Variants in KCNH1 observed in about 807,000 individuals in gnomAD.
KCNH1 encodes potassium voltage-gated channel subfamily H member 1.
In KCNH1, 27 loss-of-function variants were observed where a neutral mutation model predicts 69.2. The observed-to-expected ratio is 0.39, with a 90% CI of 0.29 to 0.54. KCNH1 has a LOEUF of 0.54. Among genes scored for constraint, KCNH1 ranks in the 20% least tolerant of loss-of-function variants. The pLI is 0.68. For synonymous variants in KCNH1, 456 were observed against 487.7 expected (o/e 0.93, Z 0.86); for missense variants, 798 against 1,261.6 (o/e 0.63, Z 5.57).
chr1:210,682,666 A>G lies in KCNH1; in HGVS notation c.*615T>C, dbSNP rs1361136848. Reference sequence around the variant, plus strand: ...TGAGGATTCCCAGCTTCAAGTGTCTATGGGAGGCATGCACCACACCTGCAG... The same window carrying G: ...TGAGGATTCCCAGCTTCAAGTGTCTGTGGGAGGCATGCACCACACCTGCAG... On this transcript the variant is annotated 3_prime_UTR_variant, in exon 11 of 11. Coordinates refer to ENST00000271751, the MANE Select transcript of KCNH1 (RefSeq NM_172362.3). 2 of 152,618 alleles carry G rather than the reference A, an allele frequency of 1.3e-5. No homozygotes were observed. The highest frequency in any genetic ancestry group is 2.4e-5 in the African/African-American group (1 of 41,452). The allele number at this position is 152,618 out of a possible 1,614,324, so 9.5% of individuals were successfully genotyped here. A position where few individuals can be genotyped will look rare whatever the true frequency, so the allele number is the denominator to read the frequency against.
At chr1:210,807,238 C>T (rs549090264) in intron 7 of KCNH1, among the ~76,000 whole-genome samples, 5 of 152,096 alleles carry the variant, frequency 3.3e-5, no homozygotes, top group Non-Finnish European at 7.3e-5. Flanking sequence ...TCTCCTTGTG[C>T]TTCCCCTTTA....
At chr1:210,749,517 G>A (rs2149041704) in intron 10 of KCNH1, among the ~76,000 whole-genome samples, 1 of 152,214 alleles carries the variant, frequency 6.6e-6, no homozygotes, top group African/African-American at 2.4e-5. Flanking sequence ...AGCATCACCT[G>A]GGCGCTTATT....
intron 7 of KCNH1, among the ~76,000 whole-genome samples, chr1:210,852,663 T>C (rs1685731935): frequency 6.6e-6 from 1 of 152,154 alleles, no homozygotes; most frequent in Admixed American, 6.5e-5. Context: ...ATGCACTATT[T>C]AAATAATATT....
chr1:211,061,411 G>T (rs573617161), intron 5 of KCNH1, among the ~76,000 whole-genome samples: 1 of 152,184 alleles, frequency 6.6e-6, no homozygotes, highest in East Asian at 1.9e-4. Context: ...ATGAGACAGG[G>T]ATGCTCATTT....
chr1:210,985,221 T>C (rs1332320217), intron 6 of KCNH1, among the ~76,000 whole-genome samples: 2 of 152,228 alleles, frequency 1.3e-5, no homozygotes, highest in African/African-American at 4.8e-5. Context: ...TGTTGATCTT[T>C]TCAAAAAACC....
intron 6 of KCNH1, among the ~76,000 whole-genome samples, chr1:210,941,706 C>T (rs1299289906): frequency 6.6e-6 from 1 of 152,126 alleles, no homozygotes; most frequent in Non-Finnish European, 1.5e-5. Context: ...TGAGGGTGGA[C>T]TTGGCCCCAT....
At chr1:211,090,143 C>T (rs1691027089) in intron 4 of KCNH1, among the ~76,000 whole-genome samples, 1 of 152,186 alleles carries the variant, frequency 6.6e-6, no homozygotes, top group Non-Finnish European at 1.5e-5. Context: ...CTAAAGTCCG[C>T]TTTAACAATC....
chr1:210,697,178 T>G (rs1681663437), intron 10 of KCNH1, among the ~76,000 whole-genome samples: 1 of 152,172 alleles, frequency 6.6e-6, no homozygotes, highest in African/African-American at 2.4e-5. Flanking sequence ...TAAAGGGCCC[T>G]GGGAAGGGAA....
chr1:210,688,142 C>T (rs1308398630), intron 10 of KCNH1, among the ~76,000 whole-genome samples: 1 of 152,200 alleles, frequency 6.6e-6, no homozygotes, highest in Non-Finnish European at 1.5e-5. Flanking sequence ...AAGGGGAAGA[C>T]ATTATATGCA....
chr1:210,790,777 G>A (rs570834743), intron 9 of KCNH1, among the ~76,000 whole-genome samples: 16 of 152,180 alleles, frequency 1.1e-4, no homozygotes, highest in East Asian at 5.8e-4. Flanking sequence ...TGGTCTCTCC[G>A]TTCAATCCAT....
chr1:210,873,349 CTTTA>C (rs889991047), intron 7 of KCNH1, among the ~76,000 whole-genome samples: 40 of 151,972 alleles, frequency 2.6e-4, no homozygotes, highest in African/African-American at 9.2e-4. Flanking sequence ...ATTTCTAAAT[CTTTA>C]TTTATTTATT....
chr1:210,807,931 A>G (rs1305859824), intron 7 of KCNH1, among the ~76,000 whole-genome samples: 1 of 152,236 alleles, frequency 6.6e-6, no homozygotes, highest in Non-Finnish European at 1.5e-5. Flanking sequence ...GTTATAAACA[A>G]GGATCAAAGA....
intron 10 of KCNH1, among the ~76,000 whole-genome samples, chr1:210,751,265 G>A (rs1276917319): frequency 1.3e-5 from 2 of 152,150 alleles, no homozygotes. Context: ...CTGGACGCAA[G>A]CTCAGAAATC....
chr1:210,933,007 G>A (rs1292087332), intron 6 of KCNH1, among the ~76,000 whole-genome samples: 1 of 152,134 alleles, frequency 6.6e-6, no homozygotes, highest in Non-Finnish European at 1.5e-5. Context: ...CTGTACTACA[G>A]ACGTCATAGA....
intron 7 of KCNH1, among the ~76,000 whole-genome samples, chr1:210,806,817 A>AT (rs1558477716): frequency 1.9e-4 from 5 of 25,984 alleles, no homozygotes; most frequent in African/African-American, 5.0e-4. Flanking sequence ...CAAAAAAAAA[A>AT]AAAAAAAAAA....
rs77475935 is a variant in KCNH1, at chr1:210,797,799, C to G, written c.1663-39G>C. 0.023 allele frequency: 35,999 copies of G among 1,585,558 alleles called. 494 individuals carry two copies. The highest frequency in any genetic ancestry group is 0.026 in the Non-Finnish European group (30,744 of 1,162,148). The stretch of plus-strand genomic sequence containing the variant: ...GAAAAAAACAGTGTGAGGGTCCTCA[C>G]TGTGGCCTTCAGCCCACATCCTTCA... On this transcript the variant is annotated intron_variant, in intron 8 of 10. Coordinates refer to ENST00000271751, the MANE Select transcript of KCNH1 (RefSeq NM_172362.3).
At chr1:210,757,310 G>A (rs1683420257) in intron 10 of KCNH1, among the ~76,000 whole-genome samples, 1 of 152,186 alleles carries the variant, frequency 6.6e-6, no homozygotes, top group South Asian at 2.1e-4. Context: ...TCTGTGCCCT[G>A]TCCATAATAA....
chr1:210,925,143 A>T (rs185007035), intron 6 of KCNH1, among the ~76,000 whole-genome samples: 1 of 152,366 alleles, frequency 6.6e-6, no homozygotes, highest in Non-Finnish European at 1.5e-5. Flanking sequence ...ATAATTCTCC[A>T]GTAACAGACC....
intron 9 of KCNH1, among the ~76,000 whole-genome samples, chr1:210,777,054 T>C (rs745619103): frequency 2.0e-5 from 3 of 152,184 alleles, no homozygotes; most frequent in Non-Finnish European, 4.4e-5. Context: ...AAGTAATGTA[T>C]TCAAGGGAGT....
Sources: allele counts gnomAD v4.1 joint callset (sites outside exome capture counted in the v4.1 genomes callset), GRCh38; gene constraint gnomAD v4.1.1; transcripts MANE v1.5; gene names NCBI Gene and HGNC (gene_info 2026-07-23, HGNC 2026-07-21).